The following KAZN variants were observed in gnomAD, a reference collection of about 807,000 sequenced individuals.
KAZN encodes the protein kazrin, periplakin interacting protein.
A neutral mutation model predicts 87.4 loss-of-function variants in KAZN; 40 were observed. The observed-to-expected ratio is 0.46, with a 90% CI of 0.36 to 0.60. The LOEUF is 0.60. KAZN is among the 20% of genes least tolerant of loss of function. KAZN has a pLI of 0.00. For missense variants in KAZN, 898 were observed against 1,073.9 expected, an observed-to-expected ratio of 0.84 and a Z score of 2.29; for synonymous variants, 466 against 458.3, an observed-to-expected ratio of 1.02 and a Z score of -0.22.
At chr1:14,531,739 G>A (rs932788854) in intron 2 of KAZN, among the ~76,000 whole-genome samples, 1 of 152,206 alleles carries the variant, frequency 6.6e-6, no homozygotes, top group Non-Finnish European at 1.5e-5. Flanking sequence ...CACCAGACAT[G>A]TTCGACTGAA....
chr1:14,368,520 T>C (rs1356162021), intron 2 of KAZN, among the ~76,000 whole-genome samples: 1 of 152,202 alleles, frequency 6.6e-6, no homozygotes, highest in Admixed American at 6.5e-5. Context: ...TACACATAAC[T>C]GAAGCCTGCT....
intron 1 of KAZN, among the ~76,000 whole-genome samples, chr1:13,990,993 C>T (rs1225688833): frequency 6.6e-6 from 1 of 151,570 alleles, no homozygotes; most frequent in Non-Finnish European, 1.5e-5. Flanking sequence ...TATTATTTTT[C>T]CGAGCTCTGT....
intron 1 of KAZN, chr1:14,924,221 C>A (rs1658873672): frequency 1.0e-6 from 1 of 981,270 alleles, no homozygotes. Context: ...GAGCCCTGGT[C>A]CGGCGCGCGC....
chr1:14,018,872 G>T (rs985904183), intron 1 of KAZN, among the ~76,000 whole-genome samples: 1 of 152,124 alleles, frequency 6.6e-6, no homozygotes, highest in Non-Finnish European at 1.5e-5. Flanking sequence ...TGAGGCTTTA[G>T]GACTTGAATT....
At chr1:14,427,603 T>TTA (rs1665810700) in intron 2 of KAZN, among the ~76,000 whole-genome samples, 1 of 103,446 alleles carries the variant, frequency 9.7e-6, no homozygotes, top group East Asian at 3.4e-4. Context: ...ACATGTATAC[T>TTA]GTGTGTGTGT....
At chr1:14,713,797 A>AAAAAAAAAGAAAGAAAG (rs1553215138) in intron 1 of KAZN, among the ~76,000 whole-genome samples, 3 of 95,646 alleles carry the variant, frequency 3.1e-5, no homozygotes, top group Admixed American at 1.3e-4. Flanking sequence ...AAAAAAAAAA[A>AAAAAAAAAGAAAGAAAG]AAAGAAAGAA....
chr1:14,667,219 G>A (rs1238471949), intron 1 of KAZN, among the ~76,000 whole-genome samples: 3 of 152,200 alleles, frequency 2.0e-5, no homozygotes, highest in Non-Finnish European at 4.4e-5. Flanking sequence ...CAGGACAGAT[G>A]AGGAAAGTGA....
intron 1 of KAZN, among the ~76,000 whole-genome samples, chr1:14,101,850 C>A (rs577145867): frequency 6.6e-6 from 1 of 152,208 alleles, no homozygotes; most frequent in Non-Finnish European, 1.5e-5. Context: ...TTAGCAAAAC[C>A]TTTTTTTCCA....
chr1:15,055,976 A>G (rs1638240162), intron 4 of KAZN, 115 bp from the exon 5 acceptor site: 1 of 1,008,656 alleles, frequency 9.9e-7, no homozygotes, highest in Non-Finnish European at 1.5e-6. Context: ...CGAGCCAGCA[A>G]TACCCGGTGC....
chr1:14,010,594 C>A (rs917007530), intron 1 of KAZN, among the ~76,000 whole-genome samples: 3 of 152,220 alleles, frequency 2.0e-5, no homozygotes, highest in Admixed American at 6.5e-5. Context: ...TGAAACTGGT[C>A]TTTGAGGCTT....
chr1:14,470,475 C>T (rs1668395378), intron 2 of KAZN, among the ~76,000 whole-genome samples: 1 of 152,150 alleles, frequency 6.6e-6, no homozygotes, highest in Non-Finnish European at 1.5e-5. Flanking sequence ...ATTTGACAGT[C>T]TGGTCATGTC....
chr1:14,522,748 T>C (rs1289568265), intron 2 of KAZN, among the ~76,000 whole-genome samples: 1 of 152,226 alleles, frequency 6.6e-6, no homozygotes. Context: ...GGAGAAAATA[T>C]AGATCTTTTG....
chr1:14,849,710 T>A (rs1649205454), intron 1 of KAZN, among the ~76,000 whole-genome samples: 2 of 152,242 alleles, frequency 1.3e-5, no homozygotes, highest in East Asian at 3.9e-4. Context: ...AGGATGTTGA[T>A]CCCAGAGGGC....
chr1:14,861,064 A>G (rs1650787440), intron 1 of KAZN, among the ~76,000 whole-genome samples: 1 of 152,220 alleles, frequency 6.6e-6, no homozygotes, highest in African/African-American at 2.4e-5. Context: ...GTGCCAAGTA[A>G]TTGCAGTTTT....
chr1:14,796,148 G>T (rs762836891), intron 1 of KAZN, among the ~76,000 whole-genome samples: 1 of 152,050 alleles, frequency 6.6e-6, no homozygotes, highest in African/African-American at 2.4e-5. Flanking sequence ...TCTGGCCTCC[G>T]TTCTGGTCCT....
Position 15,079,728 on chromosome 1 carries a change from C to T in KAZN, c.1222+13975C>T, listed in dbSNP as rs1047971239. Among the ~76,000 whole-genome samples the T allele has an allele frequency of 1.2e-4, 18 of 152,140 alleles. 1 individual carries two copies. The highest frequency in any genetic ancestry group is 1.2e-3 in the Admixed American group (18 of 15,280). On this transcript the variant is annotated intron_variant, in intron 8 of 14. Coordinates refer to ENST00000376030, the MANE Select transcript of KAZN (RefSeq NM_201628.3). ...CTGGCAGAGAAGCCTGCCGGGAAAA[C>T]ATGTCAGAAAAGAGGAGTCAGTGTG... is the stretch of plus-strand genomic sequence containing the variant.
At chr1:14,255,216 G>T (rs886780397) in intron 2 of KAZN, among the ~76,000 whole-genome samples, 4 of 151,802 alleles carry the variant, frequency 2.6e-5, no homozygotes, top group African/African-American at 9.7e-5. Flanking sequence ...TGGGGGGCGG[G>T]TTGCCACACT....
At chr1:14,027,763 A>G (rs1467219617) in intron 1 of KAZN, among the ~76,000 whole-genome samples, 1 of 152,204 alleles carries the variant, frequency 6.6e-6, no homozygotes, top group Non-Finnish European at 1.5e-5. Flanking sequence ...ACTTGTGTTT[A>G]ATGTTTCCCT....
At chr1:14,785,096 C>G (rs985720391) in intron 1 of KAZN, among the ~76,000 whole-genome samples, 1 of 151,748 alleles carries the variant, frequency 6.6e-6, no homozygotes, top group Non-Finnish European at 1.5e-5. Flanking sequence ...TGGCGTGGAC[C>G]CTAAGATTCA....
Sources: gnomAD v4.1 joint callset for allele counts (sites outside exome capture counted in the v4.1 genomes callset) on GRCh38, gnomAD v4.1.1 for gene constraint, MANE v1.5 for transcripts, NCBI Gene and HGNC (gene_info 2026-07-23, HGNC 2026-07-21) for gene names.